The following PDIA6 variants were observed in gnomAD, a reference collection of about 807,000 sequenced individuals.
PDIA6 encodes the protein protein disulfide isomerase family A member 6, also known as protein disulfide-isomerase A6.
Under a neutral mutation model 58.4 loss-of-function variants are expected in PDIA6, and 29 were observed. The observed-to-expected ratio is 0.50, with a 90% CI of 0.37 to 0.68. PDIA6 has a LOEUF of 0.68. Among genes scored for constraint, PDIA6 ranks in the 30% least tolerant of loss-of-function variants. The probability of loss-of-function intolerance (pLI) is 0.00; values close to 1 mark genes in which losing one functional copy is unlikely to be tolerated. For missense variants in PDIA6, 480 were observed against 551.0 expected (o/e 0.87, Z 1.29); for synonymous variants, 192 against 202.6 (o/e 0.95, Z 0.44).
intron 7 of PDIA6, 79 bp from the exon 8 acceptor site, chr2:10,789,968 AC>A: frequency 7.9e-7 from 1 of 1,272,450 alleles, no homozygotes; most frequent in Non-Finnish European, 1.1e-6. Context: ...TTCTAAAACC[AC>A]CTTATAGGTA....
intron 2 of PDIA6, among the ~76,000 whole-genome samples, chr2:10,799,912 G>GA (rs11350460): frequency 0.015 from 1,539 of 103,146 alleles, 9 homozygotes; most frequent in Middle Eastern, 0.023. Flanking sequence ...GGAAAAAAAA[G>GA]AAAAAAAAAA....
At chr2:10,812,638 A>G (rs1027091534) in intron 1 of PDIA6, 40 bp downstream of exon 1, 1 of 1,502,670 alleles carries the variant, frequency 6.7e-7, no homozygotes, top group Admixed American at 2.1e-5. Context: ...TTTCAGGCCG[A>G]CCCCAGCTCG....
intron 4 of PDIA6, among the ~76,000 whole-genome samples, chr2:10,795,409 GAA>G (rs997836453): frequency 1.3e-5 from 2 of 151,722 alleles, no homozygotes; most frequent in Admixed American, 1.3e-4. Context: ...TTACTCAGGG[GAA>G]AAAAAAGTCT....
At chr2:10,794,882 G>A (rs1055529199) in intron 4 of PDIA6, among the ~76,000 whole-genome samples, 5 of 152,088 alleles carry the variant, frequency 3.3e-5, no homozygotes, top group Non-Finnish European at 7.4e-5. Context: ...AGCCGAGATA[G>A]CACCACTGCA....
intron 10 of PDIA6, among the ~76,000 whole-genome samples, chr2:10,788,065 C>CAAAAAAA (rs565180851): frequency 0.29 from 28,607 of 98,850 alleles, 4,177 homozygotes; most frequent in South Asian, 0.4. Flanking sequence ...GACTCTGTCT[C>CAAAAAAA]AAAAAAAAAA....
At chr2:10,831,776 A>G (rs1667716605) in intron 1 of PDIA6, among the ~76,000 whole-genome samples, 1 of 152,004 alleles carries the variant, frequency 6.6e-6, no homozygotes, top group Non-Finnish European at 1.5e-5. Flanking sequence ...AGCGGAACCC[A>G]GCTCCCGGCC....
intron 5 of PDIA6, 58 bp downstream of exon 5, chr2:10,793,038 G>T (rs1386277879): frequency 9.5e-7 from 1 of 1,055,264 alleles, no homozygotes; most frequent in Non-Finnish European, 1.5e-6. Flanking sequence ...CTTATACAAG[G>T]TATCCACTCT....
At chr2:10,785,570 C>T (rs1665684209) in intron 11 of PDIA6, among the ~76,000 whole-genome samples, 1 of 152,094 alleles carries the variant, frequency 6.6e-6, no homozygotes, top group Non-Finnish European at 1.5e-5. Flanking sequence ...CCAAACAACT[C>T]ATAGAATAAT....
chr2:10,790,247 C>T (rs941552385), intron 7 of PDIA6, among the ~76,000 whole-genome samples: 1 of 152,152 alleles, frequency 6.6e-6, no homozygotes, highest in African/African-American at 2.4e-5. Flanking sequence ...GTTGGGATTA[C>T]AGGTGTGAGC....
chr2:10,824,598 G>T (rs1036197508), intron 1 of PDIA6, among the ~76,000 whole-genome samples: 20 of 152,214 alleles, frequency 1.3e-4, no homozygotes, highest in Non-Finnish European at 2.6e-4. Flanking sequence ...TAGAAGAGTG[G>T]CATTTGCTTG....
At chr2:10,809,483 C>T (rs546576934) in intron 1 of PDIA6, among the ~76,000 whole-genome samples, 1 of 151,858 alleles carries the variant, frequency 6.6e-6, no homozygotes, top group East Asian at 1.9e-4. Flanking sequence ...TGAGACCAGC[C>T]TGGGCAACAT....
At chr2:10,785,638 GAAA>G (rs1360360932) in intron 11 of PDIA6, among the ~76,000 whole-genome samples, 1 of 151,450 alleles carries the variant, frequency 6.6e-6, no homozygotes, top group Non-Finnish European at 1.5e-5. Context: ...CCTATTATTA[GAAA>G]AAAAAATTAC....
At chr2:10,833,081 C>T (rs949487845), upstream of PDIA6, among the ~76,000 whole-genome samples, 3 of 152,132 alleles carry the variant, frequency 2.0e-5, no homozygotes, top group Non-Finnish European at 4.4e-5. Context: ...CCCCATTTCC[C>T]AGAGGCAGAG....
At chr2:10,832,002 G>C (rs1048591989) in intron 1 of PDIA6, among the ~76,000 whole-genome samples, 4 of 104,794 alleles carry the variant, frequency 3.8e-5, no homozygotes, top group African/African-American at 1.4e-4. Context: ...GGGTGACAGA[G>C]CAAGACCCTG....
upstream of PDIA6, among the ~76,000 whole-genome samples, chr2:10,836,879 G>C (rs887813540): frequency 6.6e-6 from 1 of 152,126 alleles, no homozygotes; most frequent in African/African-American, 2.4e-5. Flanking sequence ...GACTCCTTGG[G>C]GTTAGAACGT....
intron 4 of PDIA6, among the ~76,000 whole-genome samples, chr2:10,796,535 G>C (rs1666277937): frequency 6.6e-6 from 1 of 151,532 alleles, no homozygotes; most frequent in South Asian, 2.1e-4. Context: ...AAAAAGAATA[G>C]TGTGGCTGAA....
At chr2:10,812,552 G>C (rs1667047065) in intron 1 of PDIA6, 126 bp downstream of exon 1, 1 of 959,432 alleles carries the variant, frequency 1.0e-6, no homozygotes, top group South Asian at 2.4e-5. Context: ...CGAGGCCCGC[G>C]CCTCCCGCCC....
chr2:10,786,179 T>C (rs981430851), intron 11 of PDIA6, among the ~76,000 whole-genome samples: 7 of 152,090 alleles, frequency 4.6e-5, no homozygotes, highest in East Asian at 2.0e-4. Flanking sequence ...AAAAATTAGC[T>C]GGGCGTGGTG....
At chr2:10,822,661 A>G (rs1340156870) in intron 1 of PDIA6, among the ~76,000 whole-genome samples, 3 of 152,232 alleles carry the variant, frequency 2.0e-5, no homozygotes, top group Non-Finnish European at 2.9e-5. Flanking sequence ...GAGTGATAAT[A>G]TCTTCACCCT....
Sources: gnomAD v4.1 joint callset for allele counts (sites outside exome capture counted in the v4.1 genomes callset) on GRCh38, gnomAD v4.1.1 for gene constraint, MANE v1.5 for transcripts, NCBI Gene and HGNC (gene_info 2026-07-23, HGNC 2026-07-21) for gene names.